TMTC1: variants seen among roughly 807,000 people sequenced by gnomAD.
The protein encoded by TMTC1 is transmembrane O-mannosyltransferase targeting cadherins 1.
Under a neutral mutation model 104.8 loss-of-function variants are expected in TMTC1, and 73 were observed. That is an observed-to-expected ratio of 0.70 (90% confidence interval 0.58 to 0.85). TMTC1 has a LOEUF of 0.85. TMTC1 is among the 40% of genes least tolerant of loss of function. The probability of loss-of-function intolerance (pLI) is 0.00; values close to 1 mark genes in which losing one functional copy is unlikely to be tolerated. For missense variants in TMTC1, 1,035 were observed against 1,096.1 expected (o/e 0.94, Z 0.79); for synonymous variants, 434 against 428.7 (o/e 1.01, Z -0.15).
upstream of TMTC1, chr12:29,784,249 C>T (rs1269795468): frequency 6.6e-6 from 1 of 152,498 alleles, no homozygotes; most frequent in Non-Finnish European, 1.5e-5. Flanking sequence ...TCTGGCGGAC[C>T]CCTCCCGGGG....
chr12:29,552,140 A>G (rs1945122910), intron 10 of TMTC1, among the ~76,000 whole-genome samples: 1 of 152,204 alleles, frequency 6.6e-6, no homozygotes, highest in South Asian at 2.1e-4. Context: ...TTCGAAGTCA[A>G]GGTTATTAAT....
At chr12:29,597,981 C>T (rs1369483078) in intron 7 of TMTC1, among the ~76,000 whole-genome samples, 1 of 152,194 alleles carries the variant, frequency 6.6e-6, no homozygotes, top group Non-Finnish European at 1.5e-5. Context: ...TTTCTCCTTT[C>T]ACCCCATAGT....
rs531387589 is a variant in TMTC1 at position 29,685,784 on chromosome 12, A to G, written c.939-52448T>C. Among the ~76,000 whole-genome samples the G allele has an allele frequency of 7.2e-5, 11 of 152,288 alleles. No homozygotes were observed. In the East Asian group the frequency reaches 2.1e-3, roughly 29 times the overall value. ...GACCAAGAGCCTCAATACCAAGATT[A>G]AAATAAATCAAATTCAAATTTTGTA... On this transcript the variant is annotated intron_variant, in intron 5 of 17. Coordinates refer to ENST00000539277, the MANE Select transcript of TMTC1 (RefSeq NM_001193451.2).
intron 5 of TMTC1, among the ~76,000 whole-genome samples, chr12:29,641,442 G>A (rs7313173): frequency 0.23 from 34,730 of 152,014 alleles, 4,020 homozygotes; most frequent in Middle Eastern, 0.28. Context: ...CCTGGTACTA[G>A]CCCAGAGCCC....
intron 10 of TMTC1, among the ~76,000 whole-genome samples, chr12:29,540,655 T>C (rs543996972): frequency 2.0e-5 from 3 of 147,144 alleles, no homozygotes; most frequent in South Asian, 4.5e-4. Context: ...TTGCACAGAG[T>C]AGAAATTCAA....
intron 5 of TMTC1, among the ~76,000 whole-genome samples, chr12:29,750,800 G>A (rs1363257775): frequency 2.0e-5 from 3 of 152,186 alleles, no homozygotes; most frequent in African/African-American, 7.2e-5. Flanking sequence ...CAGTGTAAAT[G>A]GTAAAATGAA....
chr12:29,745,399 G>A (rs1379017648), intron 5 of TMTC1, among the ~76,000 whole-genome samples: 1 of 152,096 alleles, frequency 6.6e-6, no homozygotes, highest in African/African-American at 2.4e-5. Context: ...AAGGCGGGCA[G>A]ATCACCCAAG....
chr12:29,725,533 G>T (rs1942366479), intron 5 of TMTC1, among the ~76,000 whole-genome samples: 1 of 152,068 alleles, frequency 6.6e-6, no homozygotes, highest in Non-Finnish European at 1.5e-5. Flanking sequence ...TTCTCATTCT[G>T]AATTAGCAGA....
At chr12:29,727,027 G>A (rs1216899924) in intron 5 of TMTC1, among the ~76,000 whole-genome samples, 1 of 152,164 alleles carries the variant, frequency 6.6e-6, no homozygotes, top group African/African-American at 2.4e-5. Flanking sequence ...GTCCTGATGA[G>A]GCTGAGAGCA....
intron 5 of TMTC1, among the ~76,000 whole-genome samples, chr12:29,720,536 A>G (rs1942208342): frequency 6.6e-6 from 1 of 152,256 alleles, no homozygotes; most frequent in African/African-American, 2.4e-5. Flanking sequence ...AATTCTATGG[A>G]CAGGTTTATG....
chr12:29,781,607 G>A (rs1943837852), intron 1 of TMTC1, among the ~76,000 whole-genome samples: 2 of 152,126 alleles, frequency 1.3e-5, no homozygotes, highest in Admixed American at 1.3e-4. Flanking sequence ...CTTAAAGATC[G>A]CTTAGCCCAG....
chr12:29,520,055 A>G (rs906272509), intron 12 of TMTC1, among the ~76,000 whole-genome samples: 2 of 152,262 alleles, frequency 1.3e-5, no homozygotes, highest in Non-Finnish European at 2.9e-5. Context: ...GAGGCACTAC[A>G]TAAGTCATAA....
chr12:29,630,970 T>C (rs953390139), intron 6 of TMTC1, among the ~76,000 whole-genome samples: 14 of 152,192 alleles, frequency 9.2e-5, no homozygotes, highest in Middle Eastern at 3.2e-3. Context: ...TATAATGGTA[T>C]CTCTTTGTGG....
At chr12:29,619,790 TTA>T (rs1011054530) in intron 6 of TMTC1, among the ~76,000 whole-genome samples, 2 of 152,206 alleles carry the variant, frequency 1.3e-5, no homozygotes, top group African/African-American at 4.8e-5. Context: ...CAGAGTGATT[TTA>T]TGTTATATTC....
chr12:29,566,837 T>C (rs1945529987), intron 9 of TMTC1, among the ~76,000 whole-genome samples: 1 of 152,170 alleles, frequency 6.6e-6, no homozygotes, highest in Non-Finnish European at 1.5e-5. Flanking sequence ...CTCAACCCTA[T>C]TTTGCTAAAC....
intron 1 of TMTC1, among the ~76,000 whole-genome samples, chr12:29,768,563 G>A (rs941074888): frequency 6.6e-6 from 1 of 152,134 alleles, no homozygotes; most frequent in African/African-American, 2.4e-5. Context: ...CTCACCCATG[G>A]TGCCACCAGG....
intron 11 of TMTC1, among the ~76,000 whole-genome samples, chr12:29,525,287 A>C (rs1316828838): frequency 7.0e-6 from 1 of 143,148 alleles, no homozygotes; most frequent in Non-Finnish European, 1.5e-5. Context: ...GGTTCAGGCG[A>C]TTCTCCTGCC....
intron 9 of TMTC1, among the ~76,000 whole-genome samples, chr12:29,568,128 T>C (rs1267045957): frequency 2.0e-5 from 3 of 152,228 alleles, no homozygotes; most frequent in Non-Finnish European, 4.4e-5. Context: ...ATGTTATGCA[T>C]TAAACATTCT....
In TMTC1 at chr12:29,545,629, TCACACACACACACACA is replaced by T. The variant is rs55958433; in HGVS notation, c.1677-9328_1677-9313del. 9.9e-3 allele frequency among the ~76,000 whole-genome samples: 732 copies of T among 73,570 alleles called. 12 individuals are homozygous for T. The highest frequency in any genetic ancestry group is 0.073 in the Admixed American group (471 of 6,460). 48.3% of individuals were successfully genotyped at this position (73,570 alleles called of 152,430 possible). On this transcript the variant is annotated intron_variant, in intron 10 of 17. Transcript: ENST00000539277. ...GTCTGGGCAACAGAGCAAGACTCTG[TCACACACACACACACA>T]CACACACACACACACACACACACAC... is the stretch of plus-strand genomic sequence containing the variant.
Sources: allele counts gnomAD v4.1 joint callset (sites outside exome capture counted in the v4.1 genomes callset), GRCh38; gene constraint gnomAD v4.1.1; transcripts MANE v1.5; gene names NCBI Gene and HGNC (gene_info 2026-07-23, HGNC 2026-07-21).